PEX7: variants seen among roughly 807,000 people sequenced by gnomAD.
PEX7 encodes peroxisomal biogenesis factor 7, also known as PTS2 receptor.
In PEX7, 34 loss-of-function variants were observed where a neutral mutation model predicts 47.5. The observed-to-expected ratio is 0.72, with a 90% CI of 0.54 to 0.95. The LOEUF (loss-of-function observed/expected upper bound fraction) is 0.95, where lower values mean the gene tolerates loss of function less well. PEX7 is among the 40% of genes least tolerant of loss of function. PEX7 has a pLI of 0.00. For synonymous variants in PEX7, 141 were observed against 148.8 expected, an observed-to-expected ratio of 0.95 and a Z score of 0.38; for missense variants, 394 against 400.3, an observed-to-expected ratio of 0.98 and a Z score of 0.13.
chr6:136,849,559 T>C (rs1290587179), intron 5 of PEX7, among the ~76,000 whole-genome samples: 1 of 152,216 alleles, frequency 6.6e-6, no homozygotes, highest in Non-Finnish European at 1.5e-5. Context: ...TGTGTCTTTG[T>C]TCTCATTGGT....
intron 5 of PEX7, among the ~76,000 whole-genome samples, chr6:136,850,923 T>TTG (rs1331431733): frequency 6.7e-6 from 1 of 148,212 alleles, no homozygotes; most frequent in Non-Finnish European, 1.5e-5. Context: ...GATGGTTTTT[T>TTG]TTTTTTTTTT....
chr6:136,871,293 T>C (rs1037707383), intron 7 of PEX7, among the ~76,000 whole-genome samples: 159 of 152,330 alleles, frequency 1.0e-3, no homozygotes, highest in African/African-American at 3.7e-3. Flanking sequence ...GGTCAACTTA[T>C]TAAGTACATT....
intron 8 of PEX7, among the ~76,000 whole-genome samples, chr6:136,886,281 G>C (rs759073218): frequency 6.6e-6 from 1 of 152,148 alleles, no homozygotes; most frequent in Non-Finnish European, 1.5e-5. Context: ...ACGTTCTATA[G>C]ATTAGACATC....
intron 8 of PEX7, among the ~76,000 whole-genome samples, chr6:136,890,713 A>G (rs757763386): frequency 1.3e-5 from 2 of 152,194 alleles, no homozygotes; most frequent in Non-Finnish European, 2.9e-5. Flanking sequence ...TGAGGACATT[A>G]AGTATTTCAT....
chr6:136,837,591 A>T (rs1193823170), intron 3 of PEX7, among the ~76,000 whole-genome samples: 1 of 152,092 alleles, frequency 6.6e-6, no homozygotes, highest in South Asian at 2.1e-4. Context: ...ATGGCCTCTA[A>T]ATACTGTTTG....
chr6:136,899,881 T>G (rs1775723995), intron 9 of PEX7, among the ~76,000 whole-genome samples: 1 of 152,242 alleles, frequency 6.6e-6, no homozygotes, highest in African/African-American at 2.4e-5. Context: ...CCTTTTCTGA[T>G]ACATTTATTA....
intron 9 of PEX7, among the ~76,000 whole-genome samples, chr6:136,910,434 G>A (rs1254019671): frequency 1.3e-5 from 2 of 152,174 alleles, no homozygotes; most frequent in African/African-American, 2.4e-5. Context: ...GGGAGAAGAG[G>A]AGTTATTAAA....
chr6:136,852,279 T>G (rs1774771632), intron 5 of PEX7, among the ~76,000 whole-genome samples: 1 of 151,402 alleles, frequency 6.6e-6, no homozygotes, highest in African/African-American at 2.4e-5. Context: ...TCACCGCTCC[T>G]ATTCAACATA....
chr6:136,861,336 A>T (rs1361893550), intron 5 of PEX7, among the ~76,000 whole-genome samples: 1 of 152,068 alleles, frequency 6.6e-6, no homozygotes, highest in African/African-American at 2.4e-5. Flanking sequence ...GCCTGCCTTG[A>T]CCTTCCAAAG....
At chr6:136,864,276 G>C (rs1775018421) in intron 5 of PEX7, among the ~76,000 whole-genome samples, 1 of 151,218 alleles carries the variant, frequency 6.6e-6, no homozygotes, top group African/African-American at 2.4e-5. Context: ...TATTATTGGG[G>C]GGACATAAAT....
chr6:136,891,651 CT>C (rs56658273), intron 8 of PEX7, among the ~76,000 whole-genome samples: 7,026 of 140,468 alleles, frequency 0.05, 288 homozygotes, highest in African/African-American at 0.12. Context: ...TTCAACAGCC[CT>C]TTTTTTTTTT....
chr6:136,823,247 G>A (rs1774118237), intron 1 of PEX7: 1 of 985,318 alleles, frequency 1.0e-6, no homozygotes, highest in Admixed American at 6.1e-5. Flanking sequence ...GCACTGAGCT[G>A]CGACCTGCGG....
intron 3 of PEX7, 73 bp downstream of exon 3, chr6:136,826,542 C>T (rs1462583810): frequency 1.3e-6 from 2 of 1,552,408 alleles, no homozygotes; most frequent in Non-Finnish European, 1.8e-6. Flanking sequence ...TGGGGATGGA[C>T]ACATGGAGAA....
In PEX7 at chr6:136,855,981, C is replaced by T. The variant is rs115652950; in HGVS notation, c.526+9800C>T. ...TTCATTTGAGCTGAGTCACACACCT[C>T]TTCTTTTTACATTGGTCTTTGTGTA... On this transcript the variant is annotated intron_variant, in intron 5 of 9. Coordinates refer to ENST00000318471, the MANE Select transcript of PEX7 (RefSeq NM_000288.4). 1,805 of 195,802 alleles carry T rather than the reference C, an allele frequency of 9.2e-3. 38 individuals are homozygous for T. Among genetic ancestry groups the T allele is most frequent in the African/African-American group, 0.041 (1,723 of 42,142 alleles). The allele number at this position is 195,802 out of a possible 1,614,324, so 12.1% of individuals were successfully genotyped here. A position where few individuals can be genotyped will look rare whatever the true frequency, so the allele number is the denominator to read the frequency against.
intron 3 of PEX7, among the ~76,000 whole-genome samples, chr6:136,833,908 C>T (rs1774338835): frequency 6.6e-6 from 1 of 152,158 alleles, no homozygotes; most frequent in Admixed American, 6.5e-5. Flanking sequence ...AGGCATGTGC[C>T]AGTCATTGAA....
intron 3 of PEX7, among the ~76,000 whole-genome samples, chr6:136,844,111 A>T (rs9376236): frequency 0.68 from 103,622 of 152,072 alleles, 36,090 homozygotes; most frequent in African/African-American, 0.84. Context: ...ATGCCTGTAA[A>T]CCTAGCACTT....
At chr6:136,903,229 C>A (rs1042818042) in intron 9 of PEX7, among the ~76,000 whole-genome samples, 1 of 152,172 alleles carries the variant, frequency 6.6e-6, no homozygotes, top group Non-Finnish European at 1.5e-5. Context: ...ATTCCAGAAG[C>A]CTCTTCCCAA....
intron 3 of PEX7, among the ~76,000 whole-genome samples, chr6:136,840,438 G>T (rs1462003029): frequency 6.6e-6 from 1 of 152,034 alleles, no homozygotes; most frequent in African/African-American, 2.4e-5. Flanking sequence ...AGTTTTGCAT[G>T]ATTTTGACCT....
intron 2 of PEX7, 105 bp from the exon 3 acceptor site, chr6:136,826,214 G>A (rs963464289): frequency 1.9e-5 from 24 of 1,254,740 alleles, no homozygotes; most frequent in South Asian, 1.1e-4. Context: ...GTGTTAAAAT[G>A]TGTGATAAAT....
Sources: allele counts gnomAD v4.1 joint callset (sites outside exome capture counted in the v4.1 genomes callset), GRCh38; gene constraint gnomAD v4.1.1; transcripts MANE v1.5; gene names NCBI Gene and HGNC (gene_info 2026-07-23, HGNC 2026-07-21).